Variants in DPYS observed in about 807,000 individuals in gnomAD.
DPYS encodes the protein dihydropyrimidine amidohydrolase.
A neutral mutation model predicts 50.3 loss-of-function variants in DPYS; 39 were observed. The ratio of observed to expected loss-of-function variants is 0.78; its 90% CI spans 0.60 to 1.01. The LOEUF is 1.01. DPYS is among the 50% of genes least tolerant of loss of function. The probability of loss-of-function intolerance (pLI) is 0.00; values close to 1 mark genes in which losing one functional copy is unlikely to be tolerated. For missense variants in DPYS, 659 were observed against 680.9 expected (o/e 0.97, Z 0.36); for synonymous variants, 245 against 250.7 (o/e 0.98, Z 0.22).
chr8:104,429,224 A>G (rs1812859534), intron 5 of DPYS: 4 of 319,038 alleles, frequency 1.3e-5, no homozygotes, highest in Non-Finnish European at 2.4e-5. Context: ...ATAGAAAAAA[A>G]TTCAACAATA....
intron 6 of DPYS, among the ~76,000 whole-genome samples, chr8:104,426,143 A>C (rs1812713898): frequency 6.6e-6 from 1 of 152,184 alleles, no homozygotes; most frequent in South Asian, 2.1e-4. Flanking sequence ...TGAGGAAAAT[A>C]ATCAGCAGAA....
At chr8:104,428,182 T>C in intron 5 of DPYS, 61 bp from the exon 6 acceptor site, 2 of 1,602,678 alleles carry the variant, frequency 1.2e-6, no homozygotes, top group Non-Finnish European at 1.7e-6. Context: ...AGGAGGAAAC[T>C]GCCATAACCT....
rs1259713467 is a variant in DPYS at position 104,452,614 on chromosome 8, G to T, written c.265-1210C>A. On this transcript the variant is annotated intron_variant, in intron 1 of 9. Coordinates refer to ENST00000351513, the MANE Select transcript of DPYS (RefSeq NM_001385.3). ...CTCAGCACTCTAGGAGGCTGAGACG[G>T]GAGGAGAGCTTGAGCCCAGGAGTTC... is the stretch of plus-strand genomic sequence containing the variant. Among the ~76,000 whole-genome samples the T allele has an allele frequency of 7.9e-5, 12 of 152,188 alleles. No individual in the cohort carries two copies. In the South Asian group the frequency reaches 2.5e-3, roughly 32 times the overall value.
chr8:104,433,620 C>T (rs533184809), intron 4 of DPYS, among the ~76,000 whole-genome samples: 56 of 152,088 alleles, frequency 3.7e-4, no homozygotes, highest in African/African-American at 1.3e-3. Context: ...GGCAACAGAA[C>T]GCGACTCTTT....
chr8:104,457,078 A>C (rs1370800286), intron 1 of DPYS, among the ~76,000 whole-genome samples: 1 of 152,222 alleles, frequency 6.6e-6, no homozygotes, highest in Non-Finnish European at 1.5e-5. Flanking sequence ...ACCTGTGATA[A>C]AGTTTAATTT....
chr8:104,447,282 C>T, intron 3 of DPYS, 42 bp downstream of exon 3: 1 of 1,610,156 alleles, frequency 6.2e-7, no homozygotes, highest in Non-Finnish European at 8.5e-7. Flanking sequence ...TATGTTATGG[C>T]TGCTGTCATT....
intron 7 of DPYS, among the ~76,000 whole-genome samples, chr8:104,412,624 C>T (rs1324394657): frequency 6.6e-6 from 1 of 152,108 alleles, no homozygotes; most frequent in South Asian, 2.1e-4. Context: ...CCAGGCCCAC[C>T]CCTGCCAGGG....
intron 8 of DPYS, among the ~76,000 whole-genome samples, chr8:104,382,151 T>C (rs928350047): frequency 5.3e-5 from 8 of 152,146 alleles, no homozygotes; most frequent in African/African-American, 1.9e-4. Context: ...TCAGCAGATA[T>C]TTACTGAGCT....
At chr8:104,408,072 G>T (rs772297466) in intron 7 of DPYS, among the ~76,000 whole-genome samples, 1 of 152,206 alleles carries the variant, frequency 6.6e-6, no homozygotes, top group African/African-American at 2.4e-5. Flanking sequence ...TGCCAGGCAC[G>T]GTTCTAGGTG....
intron 8 of DPYS, among the ~76,000 whole-genome samples, chr8:104,383,095 T>C (rs1248632396): frequency 6.6e-6 from 1 of 152,204 alleles, no homozygotes; most frequent in Non-Finnish European, 1.5e-5. Context: ...AGAACAGGGC[T>C]TGCTCTACAG....
chr8:104,436,943 C>A (rs935216315), intron 4 of DPYS, among the ~76,000 whole-genome samples: 1 of 151,646 alleles, frequency 6.6e-6, no homozygotes, highest in Non-Finnish European at 1.5e-5. Flanking sequence ...AAAAAAAGAG[C>A]GCTTAGAGAA....
chr8:104,419,014 C>T (rs1276129165), intron 7 of DPYS: 1 of 985,328 alleles, frequency 1.0e-6, no homozygotes, highest in East Asian at 1.1e-4. Flanking sequence ...TTCATTTCAT[C>T]TCTCTAAGAG....
At chr8:104,384,489 G>T (rs987737572) in intron 8 of DPYS, among the ~76,000 whole-genome samples, 1 of 152,140 alleles carries the variant, frequency 6.6e-6, no homozygotes, top group Non-Finnish European at 1.5e-5. Flanking sequence ...CAGAAGTTCA[G>T]CTGCACATTT....
At chr8:104,410,796 C>G (rs1296583496) in intron 7 of DPYS, among the ~76,000 whole-genome samples, 1 of 152,166 alleles carries the variant, frequency 6.6e-6, no homozygotes, top group Non-Finnish European at 1.5e-5. Context: ...AACTCCTTCC[C>G]ATCCTGACCC....
chr8:104,439,764 G>A (rs1588446049), intron 4 of DPYS, among the ~76,000 whole-genome samples: 1 of 152,284 alleles, frequency 6.6e-6, no homozygotes, highest in African/African-American at 2.4e-5. Context: ...TAGCCTGGGT[G>A]ACAGAGAGAC....
chr8:104,438,217 A>T (rs1475628444), intron 4 of DPYS, among the ~76,000 whole-genome samples: 39 of 152,214 alleles, frequency 2.6e-4, no homozygotes, highest in Admixed American at 6.5e-5. Flanking sequence ...CAAAAATGAA[A>T]GGGAAAGTCA....
chr8:104,443,457 C>T (rs1813419947), intron 4 of DPYS, among the ~76,000 whole-genome samples: 1 of 152,168 alleles, frequency 6.6e-6, no homozygotes, highest in African/African-American at 2.4e-5. Context: ...TTCAATTGCT[C>T]CAACATCCAA....
intron 4 of DPYS, among the ~76,000 whole-genome samples, chr8:104,443,721 C>T (rs997517477): frequency 7.9e-5 from 12 of 152,230 alleles, no homozygotes; most frequent in African/African-American, 2.9e-4. Context: ...GGTGAAACCC[C>T]GTCTCTACTA....
intron 4 of DPYS, among the ~76,000 whole-genome samples, chr8:104,430,811 T>A (rs1306784874): frequency 6.6e-6 from 1 of 152,150 alleles, no homozygotes; most frequent in Non-Finnish European, 1.5e-5. Flanking sequence ...TCAATAAAAG[T>A]TATCCCCCAG....
Sources: allele counts gnomAD v4.1 joint callset (sites outside exome capture counted in the v4.1 genomes callset), GRCh38; gene constraint gnomAD v4.1.1; transcripts MANE v1.5; gene names NCBI Gene and HGNC (gene_info 2026-07-23, HGNC 2026-07-21).